The following ICA1L variants were observed in gnomAD, a reference collection of about 807,000 sequenced individuals.
ICA1L encodes the protein islet cell autoantigen 1 like.
ICA1L carries 50 observed loss-of-function variants against 61.3 expected under a neutral mutation model. The observed-to-expected ratio is 0.82, with a 90% CI of 0.65 to 1.03. The LOEUF (loss-of-function observed/expected upper bound fraction) is 1.03, where lower values mean the gene tolerates loss of function less well. ICA1L is among the 50% of genes least tolerant of loss of function. The pLI, the probability that ICA1L is intolerant of heterozygous loss-of-function variation, is 0.00. For synonymous variants in ICA1L, 161 were observed against 191.3 expected, an observed-to-expected ratio of 0.84 and a Z score of 1.31; for missense variants, 508 against 556.7, an observed-to-expected ratio of 0.91 and a Z score of 0.88.
At chr2:202,870,622 G>A (rs991413475) in intron 1 of ICA1L, 2 of 152,154 alleles carry the variant, frequency 1.3e-5, no homozygotes, top group African/African-American at 2.4e-5. Flanking sequence ...CTGATGTGAA[G>A]ATGATTAAAG....
intron 3 of ICA1L, 54 bp from the exon 4 acceptor site, chr2:202,821,535 A>C: frequency 7.4e-7 from 1 of 1,353,384 alleles, no homozygotes; most frequent in Admixed American, 2.1e-5. Context: ...TTTGTTTAAA[A>C]CATACACACA....
At chr2:202,812,781 TTA>T (rs1226074865) in intron 8 of ICA1L, among the ~76,000 whole-genome samples, 4 of 152,150 alleles carry the variant, frequency 2.6e-5, no homozygotes. Flanking sequence ...CCTAATAGTA[TTA>T]TGTTTTTTTA....
At chr2:202,815,816 T>C in intron 7 of ICA1L, 95 bp downstream of exon 7, 1 of 699,234 alleles carries the variant, frequency 1.4e-6, no homozygotes. Flanking sequence ...TTGTAAATTT[T>C]AAATTAACCT....
At chr2:202,806,078 CAGCACTTCGGGAGGCTG>C (rs1259146489) in intron 9 of ICA1L, among the ~76,000 whole-genome samples, 1 of 152,206 alleles carries the variant, frequency 6.6e-6, no homozygotes, top group Non-Finnish European at 1.5e-5. Context: ...CCTGTAATCC[CAGCACTTCGGGAGGCTG>C]AGCCGAAAGC....
rs574308465 is a variant in ICA1L at position 202,810,092 on chromosome 2, A to G, written c.910+1654T>C. 2.0e-5 allele frequency among the ~76,000 whole-genome samples: 3 copies of G among 152,382 alleles called. No individual in the cohort carries two copies. The South Asian group carries it at 6.2e-4, about 32-fold the overall frequency. ...ACGATAAAGAAAAGATCCTAAAAGC[A>G]GCAAAAGAAAAGAAACAAATCACAT... On this transcript the variant is annotated intron_variant, in intron 9 of 12. Transcript: ENST00000358299.
intron 1 of ICA1L, among the ~76,000 whole-genome samples, chr2:202,830,237 G>C (rs545854682): frequency 6.6e-6 from 1 of 152,144 alleles, no homozygotes; most frequent in Non-Finnish European, 1.5e-5. Context: ...GTGAAACCCT[G>C]TCTCTACTAA....
chr2:202,788,722 T>A, intron 11 of ICA1L, 108 bp downstream of exon 11: 1 of 1,122,268 alleles, frequency 8.9e-7, no homozygotes, highest in South Asian at 1.4e-5. Context: ...CTAGTAGTGC[T>A]GACATTAAAA....
rs1693927233 is a variant in ICA1L, at chr2:202,828,887, G to A, written c.123C>T (p.His41=). 2 of 1,613,958 alleles carry A rather than the reference G, an allele frequency of 1.2e-6. No homozygotes were observed. Among genetic ancestry groups the A allele is most frequent in the Non-Finnish European group, 1.7e-6 (2 of 1,179,984 alleles). ...CCAGTTCAGCATCAGACGCCACCAA[G>A]TGCTCATCCTCTTTTTTTCCTGTTG... is the stretch of plus-strand genomic sequence containing the variant. ...IKATGKKEDE[H]LVASDAELDA... is the part of the protein sequence containing the mutation. Residue 41 remains histidine (H), a synonymous_variant, in exon 2 of 13, where the codon CAC becomes CAT. Coordinates refer to ENST00000358299, the MANE Select transcript of ICA1L (RefSeq NM_001288622.3).
intron 1 of ICA1L, among the ~76,000 whole-genome samples, chr2:202,830,429 T>A (rs1441738072): frequency 6.6e-6 from 1 of 152,062 alleles, no homozygotes; most frequent in Non-Finnish European, 1.5e-5. Context: ...AAATAAAAAA[T>A]AACCTCCAAG....
Position 202,788,817 on chromosome 2 carries a change from CAT to C in ICA1L, c.1243+11_1243+12del. The stretch of plus-strand genomic sequence containing the variant: ...GTAAAGCACATATGTCCAAATGTTT[CAT>C]AGACACTTACTGTTGAACGCTCCAG... On this transcript the variant is annotated intron_variant, in intron 11 of 12. Coordinates refer to ENST00000358299, the MANE Select transcript of ICA1L (RefSeq NM_001288622.3). The C allele has an allele frequency of 6.2e-7, 1 of 1,613,626 alleles. No individual in the cohort carries two copies. Among genetic ancestry groups the C allele is most frequent in the Non-Finnish European group, 8.5e-7 (1 of 1,179,808 alleles).
chr2:202,794,220 C>T (rs777353063), intron 10 of ICA1L, among the ~76,000 whole-genome samples: 1 of 151,734 alleles, frequency 6.6e-6, no homozygotes, highest in South Asian at 2.1e-4. Flanking sequence ...GTGGTATGCA[C>T]CTGTAATCCC....
At chr2:202,782,759 T>G (rs1692454715) in intron 12 of ICA1L, among the ~76,000 whole-genome samples, 1 of 152,128 alleles carries the variant, frequency 6.6e-6, no homozygotes, top group Non-Finnish European at 1.5e-5. Context: ...GAAGTTTTTT[T>G]TTTCCCCCTA....
chr2:202,840,619 G>A (rs1034076314), intron 1 of ICA1L: 4 of 577,168 alleles, frequency 6.9e-6, no homozygotes, highest in Non-Finnish European at 1.3e-5. Flanking sequence ...TGTAGATGGT[G>A]ATCTTGATGT....
chr2:202,833,765 T>C (rs1694074344), intron 1 of ICA1L, among the ~76,000 whole-genome samples: 1 of 152,198 alleles, frequency 6.6e-6, no homozygotes, highest in Non-Finnish European at 1.5e-5. Flanking sequence ...AATGGAATAC[T>C]ATTCAGCCTT....
At chr2:202,806,740 A>G (rs764364294) in intron 9 of ICA1L, among the ~76,000 whole-genome samples, 2 of 152,058 alleles carry the variant, frequency 1.3e-5, no homozygotes, top group African/African-American at 2.4e-5. Context: ...TCTCAATATT[A>G]CCTCTATCCC....
chr2:202,870,334 T>A lies in ICA1L; in HGVS notation c.-8+1285A>T, dbSNP rs577500876. On this transcript the variant is annotated intron_variant, in intron 1 of 12. Coordinates refer to ENST00000358299, the MANE Select transcript of ICA1L (RefSeq NM_001288622.3). The stretch of plus-strand genomic sequence containing the variant: ...AATTTTTCCTCTTTGGACTGGCTGA[T>A]CTCTGAGCACCCTTCTAACTCTAAA... 2.6e-5 allele frequency among the ~76,000 whole-genome samples: 4 copies of A among 152,328 alleles called. No homozygotes were observed. The East Asian group carries it at 7.7e-4, about 29-fold the overall frequency.
Position 202,778,269 on chromosome 2 carries a change from G to GT in ICA1L, c.*1263dup, listed in dbSNP as rs1009694192. 6.6e-6 allele frequency: 1 copy of GT among 152,170 alleles called. No individual in the cohort carries two copies. Among genetic ancestry groups the GT allele is most frequent in the African/African-American group, 2.4e-5 (1 of 41,432 alleles). 9.4% of individuals were successfully genotyped at this position (152,170 alleles called of 1,614,324 possible). A position where few individuals can be genotyped will look rare whatever the true frequency, so the allele number is the denominator to read the frequency against. ...TGGGAAATTGCTTCAAAATTAAAGG[G>GT]TGGGCAATTTAAAAGGACAGGAAAT... On this transcript the variant is annotated 3_prime_UTR_variant, in exon 13 of 13. Transcript: ENST00000358299.
At chr2:202,826,333 TC>T (rs1264652734) in intron 2 of ICA1L, among the ~76,000 whole-genome samples, 5 of 152,184 alleles carry the variant, frequency 3.3e-5, no homozygotes, top group African/African-American at 1.2e-4. Context: ...AAATAAAATA[TC>T]CAGTAGACTC....
At chr2:202,830,194 G>A (rs60931838) in intron 1 of ICA1L, among the ~76,000 whole-genome samples, 5,945 of 152,218 alleles carry the variant, frequency 0.039, 374 homozygotes, top group African/African-American at 0.13. Context: ...TGGATCATGA[G>A]GTCAGGAGAT....
Sources: allele counts gnomAD v4.1 joint callset (sites outside exome capture counted in the v4.1 genomes callset), GRCh38; gene constraint gnomAD v4.1.1; transcripts MANE v1.5; gene names NCBI Gene and HGNC (gene_info 2026-07-23, HGNC 2026-07-21).